FBN2: variants seen among roughly 807,000 people sequenced by gnomAD.
FBN2 encodes the protein fibrillin 2.
In FBN2, 105 loss-of-function variants were observed where a neutral mutation model predicts 355.6. That is an observed-to-expected ratio of 0.30 (90% CI 0.25 to 0.35). The LOEUF is 0.35. Ranked by LOEUF, FBN2 falls within the 10% of genes least tolerant of loss-of-function variation. The pLI is 1.00. For missense variants in FBN2, 3,280 were observed against 3,758.7 expected, an observed-to-expected ratio of 0.87 and a Z score of 3.33; for synonymous variants, 1,350 against 1,301.2, an observed-to-expected ratio of 1.04 and a Z score of -0.81.
rs1185451078 is a variant in FBN2 at position 128,259,836 on chromosome 5, G to T, written c.8365-7C>A. The T allele has an allele frequency of 3.7e-6, 6 of 1,613,274 alleles. No homozygotes were observed. Among genetic ancestry groups the T allele is most frequent in the Non-Finnish European group, 5.1e-6 (6 of 1,179,886 alleles). ...CTAGGCTGATCTGTTCAACCTGGAGGAAGAACAGGAAATGATTTGGGACAA... is the reference window on the plus strand; with the variant it reads ...CTAGGCTGATCTGTTCAACCTGGAGTAAGAACAGGAAATGATTTGGGACAA... On this transcript the variant is annotated splice_polypyrimidine_tract_variant and splice_region_variant and intron_variant, in intron 64 of 64. Coordinates refer to ENST00000262464, the MANE Select transcript of FBN2 (RefSeq NM_001999.4).
At chr5:128,334,883 C>A in intron 30 of FBN2, 39 bp from the exon 31 acceptor site, 1 of 1,564,336 alleles carries the variant, frequency 6.4e-7, no homozygotes, top group Non-Finnish European at 8.8e-7. Context: ...ATGTGCTCAT[C>A]ACAGTAATTT....
At chr5:128,266,156 G>A (rs10519982) in intron 62 of FBN2, among the ~76,000 whole-genome samples, 4,081 of 152,274 alleles carry the variant, frequency 0.027, 90 homozygotes, top group Middle Eastern at 0.085. Context: ...GGCGTTACAT[G>A]AATTCAAGGG....
chr5:128,344,612 C>T, intron 24 of FBN2, 102 bp from the exon 25 acceptor site: 1 of 1,095,510 alleles, frequency 9.1e-7, no homozygotes, highest in Non-Finnish European at 1.4e-6. Context: ...AGTAATGCAT[C>T]CAAGTAAAAA....
intron 20 of FBN2, among the ~76,000 whole-genome samples, chr5:128,354,619 C>T (rs754282021): frequency 5.9e-5 from 9 of 152,024 alleles, no homozygotes; most frequent in Admixed American, 3.9e-4. Flanking sequence ...GTGTGGTGAT[C>T]GTGAGAAGGG....
chr5:128,531,716 AT>A (rs1756711720), intron 2 of FBN2, among the ~76,000 whole-genome samples: 2 of 143,536 alleles, frequency 1.4e-5, no homozygotes, highest in Non-Finnish European at 3.0e-5. Flanking sequence ...ATATATATGT[AT>A]GTGTGTATAT....
At chr5:128,474,959 A>G (rs1445946169) in intron 5 of FBN2, among the ~76,000 whole-genome samples, 1 of 152,188 alleles carries the variant, frequency 6.6e-6, no homozygotes, top group Non-Finnish European at 1.5e-5. Flanking sequence ...GGTAGCATCT[A>G]TCAATAAATC....
At chr5:128,384,995 C>T (rs1752328205) in intron 11 of FBN2, among the ~76,000 whole-genome samples, 1 of 152,028 alleles carries the variant, frequency 6.6e-6, no homozygotes, top group Non-Finnish European at 1.5e-5. Context: ...TTGGCTATCC[C>T]TCAATTGGCT....
At chr5:128,448,044 G>A (rs1754121938) in intron 6 of FBN2, among the ~76,000 whole-genome samples, 1 of 152,150 alleles carries the variant, frequency 6.6e-6, no homozygotes, top group South Asian at 2.1e-4. Context: ...TCAGTGAATG[G>A]TACAGTGAAT....
intron 5 of FBN2, among the ~76,000 whole-genome samples, chr5:128,481,802 A>G (rs968112906): frequency 6.6e-6 from 1 of 152,342 alleles, no homozygotes; most frequent in South Asian, 2.1e-4. Context: ...TTGAGTTTCT[A>G]TAAATCTCAC....
intron 6 of FBN2, among the ~76,000 whole-genome samples, chr5:128,457,103 C>T (rs900888227): frequency 6.6e-6 from 1 of 152,120 alleles, no homozygotes; most frequent in African/African-American, 2.4e-5. Flanking sequence ...TAGAGGGGAA[C>T]ATAAACGACC....
At chr5:128,510,605 T>C (rs893647954) in intron 5 of FBN2, among the ~76,000 whole-genome samples, 4 of 152,236 alleles carry the variant, frequency 2.6e-5, no homozygotes, top group African/African-American at 9.6e-5. Context: ...CTGAATTTTG[T>C]TTTAAGCTCT....
chr5:128,341,045 G>A (rs1171150565), intron 25 of FBN2, among the ~76,000 whole-genome samples: 1 of 152,112 alleles, frequency 6.6e-6, no homozygotes, highest in Admixed American at 6.5e-5. Flanking sequence ...AATGAGTGTG[G>A]GTACAGGACG....
chr5:128,468,138 T>C (rs1053565245), intron 5 of FBN2, among the ~76,000 whole-genome samples: 1 of 152,222 alleles, frequency 6.6e-6, no homozygotes, highest in African/African-American at 2.4e-5. Context: ...TAATCTAGTT[T>C]CTGTGACTAT....
intron 25 of FBN2, 32 bp downstream of exon 25, chr5:128,344,353 G>A (rs777644937): frequency 2.5e-6 from 4 of 1,612,540 alleles, no homozygotes; most frequent in Admixed American, 1.7e-5. Flanking sequence ...GACAGCCAGA[G>A]TTTATCAAAT....
At chr5:128,323,414 T>C (rs974697597) in intron 34 of FBN2, among the ~76,000 whole-genome samples, 1 of 152,184 alleles carries the variant, frequency 6.6e-6, no homozygotes, top group African/African-American at 2.4e-5. Context: ...TAGCTCCTAT[T>C]ATTTTGAGAT....
intron 5 of FBN2, among the ~76,000 whole-genome samples, chr5:128,501,497 G>A (rs1755806936): frequency 6.6e-6 from 1 of 152,068 alleles, no homozygotes; most frequent in Non-Finnish European, 1.5e-5. Context: ...GAAATGGGTC[G>A]GGAACTATGT....
chr5:128,321,103 G>A (rs998928082), intron 34 of FBN2, among the ~76,000 whole-genome samples: 6 of 152,180 alleles, frequency 3.9e-5, no homozygotes, highest in Middle Eastern at 3.4e-3. Context: ...ATTGCTGATT[G>A]TTCTTTCTCC....
At chr5:128,286,131 C>T (rs1170372977) in intron 55 of FBN2, among the ~76,000 whole-genome samples, 1 of 152,148 alleles carries the variant, frequency 6.6e-6, no homozygotes, top group Non-Finnish European at 1.5e-5. Context: ...GAAAGAATCA[C>T]TGCATAACTA....
At chr5:128,351,307 G>T (rs1223179795) in intron 20 of FBN2, among the ~76,000 whole-genome samples, 1 of 152,156 alleles carries the variant, frequency 6.6e-6, no homozygotes, top group Non-Finnish European at 1.5e-5. Flanking sequence ...AGCACTTTGG[G>T]AGGCCGAGGC....
Sources: gnomAD v4.1 joint callset for allele counts (sites outside exome capture counted in the v4.1 genomes callset) on GRCh38, gnomAD v4.1.1 for gene constraint, MANE v1.5 for transcripts, NCBI Gene and HGNC (gene_info 2026-07-23, HGNC 2026-07-21) for gene names.